The following CCDC134 variants were observed in gnomAD, a reference collection of about 807,000 sequenced individuals.
CCDC134 encodes coiled-coil domain containing 134, also known as coiled-coil domain-containing protein 134.
In CCDC134, 27 loss-of-function variants were observed where a neutral mutation model predicts 25.6. The observed-to-expected ratio is 1.05, with a 90% CI of 0.78 to 1.45. CCDC134 has a LOEUF of 1.45. CCDC134 is among the 40% of genes most tolerant of loss of function. The pLI, the probability that CCDC134 is intolerant of heterozygous loss-of-function variation, is 0.00. For synonymous variants in CCDC134, 110 were observed against 115.0 expected, an observed-to-expected ratio of 0.96 and a Z score of 0.28; for missense variants, 261 against 286.7, an observed-to-expected ratio of 0.91 and a Z score of 0.65.
chr22:41,816,065 C>T lies in CCDC134; in HGVS notation c.564+2243C>T, dbSNP rs533518847. Among the ~76,000 whole-genome samples the T allele has an allele frequency of 2.6e-5, 4 of 152,300 alleles. No homozygotes were observed. In the South Asian group the frequency reaches 6.2e-4, roughly 24 times the overall value. The stretch of plus-strand genomic sequence containing the variant: ...TTGTCTAAGACCAATCTGTTATCCA[C>T]GACCACCCACATAAGAGAGTTTAGA... On this transcript the variant is annotated intron_variant, in intron 6 of 6. Coordinates refer to ENST00000255784, the MANE Select transcript of CCDC134 (RefSeq NM_024821.5).
At position 41,829,702 on chromosome 22, in the gene CCDC134, C is replaced by G. The variant is rs1263066004; in HGVS notation, c.*3879C>G. On this transcript the variant is annotated 3_prime_UTR_variant, in exon 7 of 7. Coordinates refer to ENST00000255784, the MANE Select transcript of CCDC134 (RefSeq NM_024821.5). ...AAATTATCTTCTGTGACCCGTAGCA[C>G]ATGCCCAATCCATGGTAGATATCGA... 6.6e-6 allele frequency among the ~76,000 whole-genome samples: 1 copy of G among 152,226 alleles called. No homozygotes were observed. Among genetic ancestry groups the G allele is most frequent in the East Asian group, 1.9e-4 (1 of 5,202 alleles).
In CCDC134 at chr22:41,828,816, C is replaced by CA. The variant is rs2076691674; in HGVS notation, c.*2994dup. On this transcript the variant is annotated 3_prime_UTR_variant, in exon 7 of 7. Coordinates refer to ENST00000255784, the MANE Select transcript of CCDC134 (RefSeq NM_024821.5). ...TAGTGGTCACAGGTACCAGGGGCAG[C>CA]AGTGAAGGGGTGGCTCTAATGCCAA... is the stretch of plus-strand genomic sequence containing the variant. 6.6e-6 allele frequency among the ~76,000 whole-genome samples: 1 copy of CA among 152,136 alleles called. No homozygotes were observed.
In CCDC134 at chr22:41,813,454, T is replaced by C. The variant is rs1255001419; in HGVS notation, c.492+9T>C. The C allele has an allele frequency of 6.2e-7, 1 of 1,613,978 alleles. No homozygotes were observed. Among genetic ancestry groups the C allele is most frequent in the East Asian group, 2.2e-5 (1 of 44,898 alleles). Reference sequence around the variant, plus strand: ...CGCCCATCCTCAGCCTGGTAAGGACTGGGGTGGAGGTGGCCCGGGAGCCCT... The same window carrying C: ...CGCCCATCCTCAGCCTGGTAAGGACCGGGGTGGAGGTGGCCCGGGAGCCCT... On this transcript the variant is annotated intron_variant, in intron 5 of 6. Transcript: ENST00000255784.
At chr22:41,812,322 T>TGA (rs1185736029) in intron 4 of CCDC134, among the ~76,000 whole-genome samples, 1 of 148,754 alleles carries the variant, frequency 6.7e-6, no homozygotes, top group Non-Finnish European at 1.5e-5. Flanking sequence ...CTCGGGAGGC[T>TGA]GAGGCAGGAG....
At chr22:41,824,886 T>TGG in intron 6 of CCDC134, among the ~76,000 whole-genome samples, 1 of 151,872 alleles carries the variant, frequency 6.6e-6, no homozygotes, top group Admixed American at 6.6e-5. Context: ...GGGGTGGTGA[T>TGG]GGGGGCAGCA....
At chr22:41,813,640 G>A (rs1040333531) in intron 5 of CCDC134, 111 bp from the exon 6 acceptor site, 41 of 1,270,626 alleles carry the variant, frequency 3.2e-5, no homozygotes, top group African/African-American at 4.4e-5. Context: ...ATCATCATGT[G>A]GCCCACATCT....
intron 6 of CCDC134, among the ~76,000 whole-genome samples, chr22:41,821,690 G>A (rs1013123761): frequency 2.0e-5 from 3 of 152,320 alleles, no homozygotes; most frequent in Non-Finnish European, 2.9e-5. Flanking sequence ...GAGGGAGGAC[G>A]TGATGAGGCC....
At chr22:41,815,278 T>C (rs932332668) in intron 6 of CCDC134, among the ~76,000 whole-genome samples, 18 of 149,236 alleles carry the variant, frequency 1.2e-4, no homozygotes, top group African/African-American at 4.2e-4. Context: ...CGATCTCGGC[T>C]CACTGCAAGT....
chr22:41,806,258 G>A (rs926114389), intron 1 of CCDC134, among the ~76,000 whole-genome samples: 1 of 124,388 alleles, frequency 8.0e-6, no homozygotes. Flanking sequence ...TCGCTCTGTT[G>A]CCCAGGCTGG....
rs551789392 is a variant in CCDC134, at chr22:41,813,452, A to C, written c.492+7A>C. The stretch of plus-strand genomic sequence containing the variant: ...CTCGCCCATCCTCAGCCTGGTAAGG[A>C]CTGGGGTGGAGGTGGCCCGGGAGCC... On this transcript the variant is annotated splice_region_variant and intron_variant, in intron 5 of 6. Transcript: ENST00000255784. The C allele has an allele frequency of 2.5e-6, 4 of 1,614,108 alleles. No individual in the cohort carries two copies. The African/African-American group carries it at 4.0e-5, about 16-fold the overall frequency.
At chr22:41,810,489 CTTTTTTTTTTTT>C (rs960666358) in intron 4 of CCDC134, among the ~76,000 whole-genome samples, 198 bp downstream of exon 4, 2 of 86,610 alleles carry the variant, frequency 2.3e-5, no homozygotes, top group Non-Finnish European at 4.2e-5. Context: ...AATAGCATTT[CTTTTTTTTTTTT>C]TTTTTTTTTT....
intron 6 of CCDC134, among the ~76,000 whole-genome samples, chr22:41,822,159 A>G (rs571502603): frequency 6.6e-6 from 1 of 152,240 alleles, no homozygotes; most frequent in South Asian, 2.1e-4. Flanking sequence ...TAGCTTGAAG[A>G]CAGGAGGAGA....
intron 1 of CCDC134, among the ~76,000 whole-genome samples, chr22:41,808,060 C>T (rs1314259644): frequency 1.3e-5 from 2 of 151,270 alleles, no homozygotes; most frequent in African/African-American, 2.4e-5. Context: ...CTCAGGAGGC[C>T]GAGGCAGGAG....
At chr22:41,813,200 CA>C in intron 4 of CCDC134, 63 bp from the exon 5 acceptor site, 1 of 1,544,358 alleles carries the variant, frequency 6.5e-7, no homozygotes, top group African/African-American at 1.4e-5. Context: ...TAGAGGATGC[CA>C]GGGGCCAGTG....
chr22:41,808,926 C>T lies in CCDC134; in HGVS notation c.36C>T (p.Val12=), dbSNP rs1054416769. The change falls in exon 2 of 7, where the codon GTC becomes GTT. Residue 12 remains valine, a synonymous_variant. Transcript: ENST00000255784. The part of the protein sequence containing the change: ...DLLQFLAFLF[V]LLLSGMGATG... ...TTCAATTCCTGGCCTTCCTCTTTGTCCTGCTTTTGTCTGGGATGGGAGCCA... is the reference window on the plus strand; with the variant it reads ...TTCAATTCCTGGCCTTCCTCTTTGTTCTGCTTTTGTCTGGGATGGGAGCCA... The T allele has an allele frequency of 6.2e-7, 1 of 1,614,190 alleles. No homozygotes were observed.
chr22:41,812,090 A>AATTTCCTG (rs1401356620), intron 4 of CCDC134, among the ~76,000 whole-genome samples: 1 of 152,122 alleles, frequency 6.6e-6, no homozygotes, highest in East Asian at 1.9e-4. Context: ...TATTGCTGTT[A>AATTTCCTG]ATTTCCTGGT....
At chr22:41,824,532 G>C (rs1234992398) in intron 6 of CCDC134, among the ~76,000 whole-genome samples, 1 of 152,154 alleles carries the variant, frequency 6.6e-6, no homozygotes, top group African/African-American at 2.4e-5. Context: ...AGGCTGAGGC[G>C]GATGGATCAC....
In CCDC134 at chr22:41,828,397, T is replaced by C. The variant is rs2076689384; in HGVS notation, c.*2574T>C. 1.3e-5 allele frequency among the ~76,000 whole-genome samples: 2 copies of C among 152,214 alleles called. No homozygotes were observed. Among genetic ancestry groups the C allele is most frequent in the African/African-American group, 4.8e-5 (2 of 41,438 alleles). ...GTATTTACTGACTGCCTGCTATATATGCAGAGCCAAAGAGTGGGGCCTGGT... is the reference window on the plus strand; with the variant it reads ...GTATTTACTGACTGCCTGCTATATACGCAGAGCCAAAGAGTGGGGCCTGGT... On this transcript the variant is annotated 3_prime_UTR_variant, in exon 7 of 7. Coordinates refer to ENST00000255784, the MANE Select transcript of CCDC134 (RefSeq NM_024821.5).
At chr22:41,809,808 T>G in intron 2 of CCDC134, 71 bp from the exon 3 acceptor site, 1 of 1,593,938 alleles carries the variant, frequency 6.3e-7, no homozygotes, top group East Asian at 2.2e-5. Context: ...GGAATGAGCC[T>G]TCTGAGGCAA....
Sources: gnomAD v4.1 joint callset for allele counts (sites outside exome capture counted in the v4.1 genomes callset) on GRCh38, gnomAD v4.1.1 for gene constraint, MANE v1.5 for transcripts, NCBI Gene and HGNC (gene_info 2026-07-23, HGNC 2026-07-21) for gene names.